Variants in KLF16 observed in about 807,000 individuals in gnomAD.
KLF16 encodes Krueppel-like factor 16.
KLF16 carries 6 observed loss-of-function variants against 6.1 expected under a neutral mutation model. That is an observed-to-expected ratio of 0.98 (90% CI 0.54 to 1.93). The LOEUF is 1.93. Among genes scored for constraint, KLF16 ranks in the 30% most tolerant of loss-of-function variants. KLF16 has a pLI of 0.01. For synonymous variants in KLF16, 211 were observed against 176.5 expected, an observed-to-expected ratio of 1.20 and a Z score of -1.55; for missense variants, 355 against 363.8, an observed-to-expected ratio of 0.98 and a Z score of 0.20.
chr19:1,863,843 C>T (rs1246968596), upstream of KLF16, among the ~76,000 whole-genome samples: 7 of 146,550 alleles, frequency 4.8e-5, no homozygotes, highest in Non-Finnish European at 9.1e-5. Context: ...GCGCCCACTC[C>T]GGCCTCCGCC....
In KLF16 at chr19:1,857,113, CG is replaced by C. The variant is rs1389874036; in HGVS notation, c.458-2354del. Among the ~76,000 whole-genome samples, 1 of 151,998 alleles carries C rather than the reference CG, an allele frequency of 6.6e-6. No homozygotes were observed. The highest frequency in any genetic ancestry group is 1.5e-5 in the Non-Finnish European group (1 of 67,970). On this transcript the variant is annotated intron_variant, in intron 1 of 1. Transcript: ENST00000250916. This position sits in a 1 kb window ranked among gnomAD's most constrained non-coding sequence, Gnocchi z 4.7. ...GGGGCCCGGGCCAGGGTCGCCTCTC[CG>C]GCCTGGGTGCCTGCCAGCCCCGCCC...
chr19:1,854,798 G>A (rs778905687), intron 1 of KLF16, 38 bp from the exon 2 acceptor site: 1 of 1,590,862 alleles, frequency 6.3e-7, no homozygotes, highest in African/African-American at 1.3e-5. Context: ...GGGTCAGCGG[G>A]GGCGGGGGGA....
At chr19:1,859,306 A>C (rs1164039681) in intron 1 of KLF16, among the ~76,000 whole-genome samples, 1 of 151,996 alleles carries the variant, frequency 6.6e-6, no homozygotes, top group Non-Finnish European at 1.5e-5. Context: ...AGGGATCAGA[A>C]ACCTGGCAGG....
chr19:1,852,436 CAAG>C lies in KLF16; in HGVS notation c.*2020_*2022del, dbSNP rs1225835029. ...AGGGGCTTGTTTAATTAATTAAATA[CAAG>C]GATGAGGCCAGGCAGGGCGGGGGAG... On this transcript the variant is annotated 3_prime_UTR_variant, in exon 2 of 2. Transcript: ENST00000250916. The C allele has an allele frequency of 6.6e-6, 1 of 151,756 alleles. No homozygotes were observed. The highest frequency in any genetic ancestry group is 1.5e-5 in the Non-Finnish European group (1 of 67,920). The allele number at this position is 151,756 out of a possible 1,614,324, so 9.4% of individuals were successfully genotyped here.
upstream of KLF16, among the ~76,000 whole-genome samples, chr19:1,867,112 G>A (rs1219606086): frequency 1.3e-5 from 2 of 152,220 alleles, no homozygotes; most frequent in African/African-American, 4.8e-5. Context: ...AGCAGGGCAG[G>A]AAGAACACAA....
rs1413266048 is a variant in KLF16 at position 1,852,614 on chromosome 19, A to G, written c.*1845T>C. On this transcript the variant is annotated 3_prime_UTR_variant, in exon 2 of 2. Coordinates refer to ENST00000250916, the MANE Select transcript of KLF16 (RefSeq NM_031918.4). ...CTGGACACTGGAGAGGGGCCCAGTT[A>G]TAGAGTTCTGGAACCCACAGCCCTA... is the stretch of plus-strand genomic sequence containing the variant. The G allele has an allele frequency of 6.6e-6, 1 of 152,030 alleles. No homozygotes were observed. The highest frequency in any genetic ancestry group is 1.5e-5 in the Non-Finnish European group (1 of 68,012). 9.4% of individuals were successfully genotyped at this position (152,030 alleles called of 1,614,324 possible). A position where few individuals can be genotyped will look rare whatever the true frequency, so the allele number is the denominator to read the frequency against.
intron 1 of KLF16, among the ~76,000 whole-genome samples, chr19:1,860,026 C>A (rs1433288405): frequency 6.6e-6 from 1 of 151,974 alleles, no homozygotes; most frequent in Admixed American, 6.6e-5. Context: ...GTGAGAAGAA[C>A]CCTTCCAGGT....
chr19:1,864,812 G>A (rs910297048), upstream of KLF16, among the ~76,000 whole-genome samples: 1 of 152,224 alleles, frequency 6.6e-6, no homozygotes, highest in African/African-American at 2.4e-5. Context: ...CAAGGCGGCG[G>A]GGGCACAGAA....
At chr19:1,869,303 C>T in the KLF16 span, among the ~76,000 whole-genome samples, 3 of 152,024 alleles carry the variant, frequency 2.0e-5, no homozygotes, top group African/African-American at 7.3e-5. Context: ...ATGGTGAAAC[C>T]CCATCTCTAC....
At chr19:1,859,343 G>A (rs1220343874) in intron 1 of KLF16, among the ~76,000 whole-genome samples, 5 of 152,004 alleles carry the variant, frequency 3.3e-5, no homozygotes, top group African/African-American at 9.7e-5. Context: ...TGCACACCTC[G>A]TCCTGAGGAG....
At chr19:1,867,578 TAG>T (rs2012207874), upstream of KLF16, among the ~76,000 whole-genome samples, 1 of 152,016 alleles carries the variant, frequency 6.6e-6, no homozygotes, top group Non-Finnish European at 1.5e-5. Flanking sequence ...AAAATAGTGA[TAG>T]ATTGTCTGGG....
At chr19:1,856,265 A>C (rs921220740) in intron 1 of KLF16, among the ~76,000 whole-genome samples, 4 of 152,156 alleles carry the variant, frequency 2.6e-5, no homozygotes, top group African/African-American at 9.7e-5. Context: ...TGGGGAGCCC[A>C]GCTGAGGAGG....
chr19:1,858,777 C>T (rs925581097), intron 1 of KLF16, among the ~76,000 whole-genome samples: 5 of 152,202 alleles, frequency 3.3e-5, no homozygotes, highest in Middle Eastern at 3.4e-3. Context: ...ACCTGGGGGT[C>T]GGCAGGGGAC....
Position 1,863,138 on chromosome 19 carries a change from G to A in KLF16, c.360C>T (p.Pro120=), listed in dbSNP as rs760143128. ...PSSGRAPGAA[P]SAAAKSHRCP... ...AGCGGTGGCTCTTGGCGGCGGCGGA[G>A]GGCGCGGCGCCGGGGGCGCGGCCCG... The change falls in exon 1 of 2, where the codon CCC becomes CCT. Residue 120 remains proline, a synonymous_variant. Coordinates refer to ENST00000250916, the MANE Select transcript of KLF16 (RefSeq NM_031918.4). The A allele has an allele frequency of 2.2e-6, 3 of 1,334,574 alleles. No homozygotes were observed. In the East Asian group the frequency reaches 1.0e-4, roughly 47 times the overall value. The allele number at this position is 1,334,574 out of a possible 1,614,324, so 82.7% of individuals were successfully genotyped here.
At chr19:1,863,844 G>A (rs1180571257), upstream of KLF16, among the ~76,000 whole-genome samples, 11 of 142,026 alleles carry the variant, frequency 7.7e-5, no homozygotes, top group South Asian at 2.0e-3. Context: ...CGCCCACTCC[G>A]GCCTCCGCCA....
chr19:1,865,614 G>A (rs1474966184), upstream of KLF16, among the ~76,000 whole-genome samples: 1 of 152,218 alleles, frequency 6.6e-6, no homozygotes. Flanking sequence ...TTCACTGTGA[G>A]ACTCCATTGT....
upstream of KLF16, among the ~76,000 whole-genome samples, chr19:1,864,150 C>T (rs564061531): frequency 6.6e-6 from 1 of 150,656 alleles, no homozygotes; most frequent in Non-Finnish European, 1.5e-5. Flanking sequence ...GAGCCCGCCC[C>T]CTCCCCGGAT....
the KLF16 span, among the ~76,000 whole-genome samples, chr19:1,872,830 G>A: frequency 1.2e-4 from 18 of 150,828 alleles, no homozygotes; most frequent in South Asian, 1.9e-3. Flanking sequence ...GACGTGGCCC[G>A]TGGCCGGAGC....
chr19:1,870,860 G>C, the KLF16 span, among the ~76,000 whole-genome samples: 2 of 152,202 alleles, frequency 1.3e-5, no homozygotes, highest in African/African-American at 4.8e-5. Flanking sequence ...ACCAGGCGTG[G>C]TGGCACGCGC....
Sources: allele counts gnomAD v4.1 joint callset (sites outside exome capture counted in the v4.1 genomes callset), GRCh38; gene constraint gnomAD v4.1.1; non-coding constraint Gnocchi (gnomAD v3.1); transcripts MANE v1.5; gene names NCBI Gene and HGNC (gene_info 2026-07-23, HGNC 2026-07-21).